Variants in GRIN2A observed in about 807,000 individuals in gnomAD.
The protein encoded by GRIN2A is glutamate receptor ionotropic, NMDA 2A.
A neutral mutation model predicts 113.4 loss-of-function variants in GRIN2A; 22 were observed. The ratio of observed to expected loss-of-function variants is 0.19; its 90% confidence interval spans 0.14 to 0.28. GRIN2A has a LOEUF of 0.28. Ranked by LOEUF, GRIN2A falls within the 10% of genes least tolerant of loss-of-function variation. GRIN2A has a pLI of 1.00. For missense variants in GRIN2A, 1,502 were observed against 1,887.0 expected, an observed-to-expected ratio of 0.80 and a Z score of 3.78; for synonymous variants, 827 against 738.4, an observed-to-expected ratio of 1.12 and a Z score of -1.94.
At chr16:10,174,678 T>A (rs574356028) in intron 2 of GRIN2A, among the ~76,000 whole-genome samples, 2 of 152,246 alleles carry the variant, frequency 1.3e-5, no homozygotes, top group South Asian at 4.2e-4. Flanking sequence ...ATAAAGTATA[T>A]CCTTGTTGAA....
chr16:10,098,621 T>G (rs1466564672), intron 2 of GRIN2A, among the ~76,000 whole-genome samples: 1 of 152,120 alleles, frequency 6.6e-6, no homozygotes, highest in Non-Finnish European at 1.5e-5. Context: ...GGAATAAAAC[T>G]CAGCCTTAAA....
At chr16:9,952,581 T>C (rs181883983) in intron 2 of GRIN2A, among the ~76,000 whole-genome samples, 40 of 152,332 alleles carry the variant, frequency 2.6e-4, no homozygotes, top group African/African-American at 8.9e-4. Flanking sequence ...TCCATAGTTA[T>C]CTGTCACCTT....
At chr16:9,862,448 A>G (rs1048026399) in intron 4 of GRIN2A, among the ~76,000 whole-genome samples, 1 of 152,168 alleles carries the variant, frequency 6.6e-6, no homozygotes, top group Non-Finnish European at 1.5e-5. Context: ...TGTTATTTCC[A>G]TGAACAACCC....
rs562228551 is a variant in GRIN2A at position 9,787,304 on chromosome 16, T to C, written c.2356+10973A>G. Reference sequence around the variant, plus strand: ...TCCTTCTCTTAACCCAGAAAGTCCTTTCTCTTGATTCCAGGCATTTCTATA... The same window carrying C: ...TCCTTCTCTTAACCCAGAAAGTCCTCTCTCTTGATTCCAGGCATTTCTATA... On this transcript the variant is annotated intron_variant, in intron 11 of 12. Coordinates refer to ENST00000330684, the MANE Select transcript of GRIN2A (RefSeq NM_001134407.3). Among the ~76,000 whole-genome samples the C allele has an allele frequency of 2.6e-5, 4 of 152,338 alleles. No homozygotes were observed. In the South Asian group the frequency reaches 6.2e-4, roughly 24 times the overall value.
At chr16:9,956,301 A>G (rs368436623) in intron 2 of GRIN2A, among the ~76,000 whole-genome samples, 44 of 152,268 alleles carry the variant, frequency 2.9e-4, no homozygotes, top group African/African-American at 9.4e-4. Context: ...CATAATACCC[A>G]TACTTAAAAA....
rs180870273 is a variant in GRIN2A, at chr16:9,767,212, T to G, written c.2595+1639A>C. On this transcript the variant is annotated intron_variant, in intron 12 of 12. Coordinates refer to ENST00000330684, the MANE Select transcript of GRIN2A (RefSeq NM_001134407.3). ...ATGCCATCAAGCTAATTAGGAAATATGTATTTGCACAGAACCCGAGTTTGG... is the reference window on the plus strand; with the variant it reads ...ATGCCATCAAGCTAATTAGGAAATAGGTATTTGCACAGAACCCGAGTTTGG... 3.3e-5 allele frequency among the ~76,000 whole-genome samples: 5 copies of G among 152,322 alleles called. No individual in the cohort carries two copies. In the East Asian group the frequency reaches 9.6e-4, roughly 29 times the overall value.
intron 11 of GRIN2A, among the ~76,000 whole-genome samples, chr16:9,770,506 A>G (rs1316121865): frequency 6.6e-6 from 1 of 152,150 alleles, no homozygotes; most frequent in African/African-American, 2.4e-5. Flanking sequence ...GAGATGTTAA[A>G]TTTTCCTCTG....
chr16:9,852,337 A>G (rs893375983), intron 4 of GRIN2A, among the ~76,000 whole-genome samples: 12 of 152,200 alleles, frequency 7.9e-5, no homozygotes, highest in Admixed American at 5.9e-4. Context: ...CCTTGCAGAC[A>G]TGTTTCCTAA....
chr16:10,132,729 G>T (rs1819953737), intron 2 of GRIN2A, among the ~76,000 whole-genome samples: 1 of 152,314 alleles, frequency 6.6e-6, no homozygotes, highest in East Asian at 1.9e-4. Context: ...AAGGACTGCA[G>T]AAAGAAGCAA....
intron 2 of GRIN2A, among the ~76,000 whole-genome samples, chr16:10,053,463 G>A (rs182604430): frequency 6.6e-6 from 1 of 152,152 alleles, no homozygotes; most frequent in Non-Finnish European, 1.5e-5. Context: ...AACCTGAAAT[G>A]TGTGCCTCTC....
chr16:9,859,247 T>G (rs2043020919), intron 4 of GRIN2A, among the ~76,000 whole-genome samples: 1 of 151,700 alleles, frequency 6.6e-6, no homozygotes, highest in African/African-American at 2.4e-5. Context: ...ATATTCACAA[T>G]TAAACATGGA....
At chr16:9,949,895 G>C (rs991171010) in intron 2 of GRIN2A, among the ~76,000 whole-genome samples, 1 of 152,168 alleles carries the variant, frequency 6.6e-6, no homozygotes, top group Non-Finnish European at 1.5e-5. Context: ...GGGTTAGAGA[G>C]GGCAGGGTAT....
chr16:9,824,335 C>T (rs1225870949), intron 9 of GRIN2A, among the ~76,000 whole-genome samples: 3 of 152,224 alleles, frequency 2.0e-5, no homozygotes, highest in Non-Finnish European at 4.4e-5. Context: ...CAAGCCCAGG[C>T]TCATCCTCAT....
At chr16:9,891,450 A>G (rs748928440) in intron 3 of GRIN2A, among the ~76,000 whole-genome samples, 3 of 152,220 alleles carry the variant, frequency 2.0e-5, no homozygotes, top group Non-Finnish European at 2.9e-5. Context: ...ATGGCATTCA[A>G]TGTTGAAAAA....
Position 9,938,097 on chromosome 16 carries a change from G to T in GRIN2A, c.869C>A (p.Ala290Glu). 1 of 1,613,946 alleles carries T rather than the reference G, an allele frequency of 6.2e-7. No individual in the cohort carries two copies. ...SYDDWDYSLE[A>E]RVRDGIGILT... ...GATGCCAATGCCGTCCCTCACTCTCGCCTCCAGGCTGTAGTCCCAGTCATC... is the reference window on the plus strand; with the variant it reads ...GATGCCAATGCCGTCCCTCACTCTCTCCTCCAGGCTGTAGTCCCAGTCATC... Residue 290 changes from alanine to glutamate, a missense_variant, in exon 3 of 13, where the codon GCG becomes GAG. Physicochemically the swap from Ala to Glu is moderately radical, Grantham distance 107. Transcript: ENST00000330684.
chr16:9,999,979 T>C (rs1011146930), intron 2 of GRIN2A, among the ~76,000 whole-genome samples: 5 of 152,122 alleles, frequency 3.3e-5, no homozygotes, highest in Admixed American at 2.0e-4. Context: ...AGATTCCATG[T>C]CTTTGCCTTT....
At chr16:9,930,170 C>T (rs1050967967) in intron 3 of GRIN2A, among the ~76,000 whole-genome samples, 1 of 152,172 alleles carries the variant, frequency 6.6e-6, no homozygotes, top group Non-Finnish European at 1.5e-5. Flanking sequence ...ATGGGTCCAT[C>T]AGGCCTAGAT....
At chr16:10,056,660 CA>C (rs1210472235) in intron 2 of GRIN2A, among the ~76,000 whole-genome samples, 1 of 152,062 alleles carries the variant, frequency 6.6e-6, no homozygotes, top group Non-Finnish European at 1.5e-5. Flanking sequence ...GAGGAGAAAA[CA>C]CAGGAACACA....
chr16:9,844,817 C>G (rs1596488520), intron 5 of GRIN2A, among the ~76,000 whole-genome samples: 1 of 152,192 alleles, frequency 6.6e-6, no homozygotes, highest in Non-Finnish European at 1.5e-5. Context: ...TTTCTCGCTA[C>G]ACATCAGGCC....
Sources: gnomAD v4.1 joint callset for allele counts (sites outside exome capture counted in the v4.1 genomes callset) on GRCh38, gnomAD v4.1.1 for gene constraint, MANE v1.5 for transcripts, NCBI Gene and HGNC (gene_info 2026-07-23, HGNC 2026-07-21) for gene names.